The following MALRD1 variants were observed in gnomAD, a reference collection of about 807,000 sequenced individuals.
The protein encoded by MALRD1 is MAM and LDL-receptor class A domain-containing protein 1.
Under a neutral mutation model 242.1 loss-of-function variants are expected in MALRD1, and 247 were observed. The ratio of observed to expected loss-of-function variants is 1.02; its 90% CI spans 0.92 to 1.13. The LOEUF is 1.13. MALRD1 is among the 50% of genes most tolerant of loss of function. MALRD1 has a pLI of 0.00. For synonymous variants in MALRD1, 995 were observed against 866.6 expected (o/e 1.15, Z -2.60); for missense variants, 2,989 against 2,533.1 (o/e 1.18, Z -3.86).
intron 8 of MALRD1, 128 bp downstream of exon 8, chr10:19,128,515 C>T (rs913236116): frequency 1.8e-6 from 1 of 550,650 alleles, no homozygotes; most frequent in African/African-American, 1.9e-5. Flanking sequence ...ACTTGGTATA[C>T]TTTTAAAAAG....
chr10:19,206,753 C>G (rs1167441190), intron 17 of MALRD1, among the ~76,000 whole-genome samples: 1 of 152,164 alleles, frequency 6.6e-6, no homozygotes, highest in African/African-American at 2.4e-5. Flanking sequence ...AAAGGTGGAG[C>G]TAGGCGTATT....
At chr10:19,450,194 T>C in intron 28 of MALRD1, 113 bp from the exon 29 acceptor site, 1 of 929,058 alleles carries the variant, frequency 1.1e-6, no homozygotes, top group South Asian at 1.9e-5. Flanking sequence ...TCTTTGTTTT[T>C]TCAGTTTTTA....
At position 19,323,984 on chromosome 10, in the gene MALRD1, G is replaced by C. The variant is rs1564562605; in HGVS notation, c.3455G>C (p.Ser1152Thr). ...TTDGWYLYADSSNGKFGDTAD... is the reference protein window; with the variant it reads ...TTDGWYLYADTSNGKFGDTAD... ...GATGGCTGGTACCTGTATGCTGACA[G>C]TTCTAATGGGAAATTTGGTGACACG... Residue 1152 changes from serine (S) to threonine (T), a missense_variant, in exon 22 of 40, where the codon AGT (serine) becomes ACT (threonine). Ser to Thr is a moderately conservative substitution (Grantham distance 58). Coordinates refer to ENST00000454679, the MANE Select transcript of MALRD1 (RefSeq NM_001142308.3). 6.4e-7 allele frequency: 1 copy of C among 1,550,780 alleles called. No homozygotes were observed. Among genetic ancestry groups the C allele is most frequent in the Non-Finnish European group, 8.7e-7 (1 of 1,146,924 alleles).
In MALRD1 at chr10:19,048,833, T is replaced by A; in HGVS notation, c.-106T>A. 2 of 884,070 alleles carry A rather than the reference T, an allele frequency of 2.3e-6. No individual in the cohort carries two copies. Among genetic ancestry groups the A allele is most frequent in the Non-Finnish European group, 3.0e-6 (2 of 670,352 alleles). The allele number at this position is 884,070 out of a possible 1,614,324, so 54.8% of individuals were successfully genotyped here. A position where few individuals can be genotyped will look rare whatever the true frequency, so the allele number is the denominator to read the frequency against. On this transcript the variant is annotated 5_prime_UTR_variant, in exon 1 of 40. Transcript: ENST00000454679. The stretch of plus-strand genomic sequence containing the variant: ...CAGATAGTTACCAATAGTATCCAGT[T>A]ATAAGAAGCAAATCTGGGAAAGGAA...
chr10:19,477,653 T>G (rs1419548989), intron 29 of MALRD1, among the ~76,000 whole-genome samples: 2 of 152,076 alleles, frequency 1.3e-5, no homozygotes, highest in Non-Finnish European at 2.9e-5. Flanking sequence ...AGAATAGCGC[T>G]CTTTCTTGCA....
intron 38 of MALRD1, among the ~76,000 whole-genome samples, chr10:19,694,058 C>T (rs1482322950): frequency 6.6e-6 from 1 of 152,060 alleles, no homozygotes; most frequent in Non-Finnish European, 1.5e-5. Context: ...TTCCTTACAC[C>T]TTATACAAAA....
intron 36 of MALRD1, among the ~76,000 whole-genome samples, chr10:19,651,476 A>G (rs563333284): frequency 6.6e-6 from 1 of 152,290 alleles, no homozygotes; most frequent in South Asian, 2.1e-4. Flanking sequence ...ATTTGAAGGG[A>G]AAAAAAGCAT....
chr10:19,484,678 G>A (rs1397726433), intron 29 of MALRD1, among the ~76,000 whole-genome samples: 1 of 152,172 alleles, frequency 6.6e-6, no homozygotes, highest in African/African-American at 2.4e-5. Flanking sequence ...AATAATATAT[G>A]TTGGCACAGA....
chr10:19,085,607 A>T (rs982904053), intron 2 of MALRD1, among the ~76,000 whole-genome samples: 1 of 151,978 alleles, frequency 6.6e-6, no homozygotes, highest in African/African-American at 2.4e-5. Context: ...TTGATAAAAT[A>T]CAGAATAATT....
At chr10:19,207,017 C>G (rs1292157471) in intron 17 of MALRD1, among the ~76,000 whole-genome samples, 1 of 152,064 alleles carries the variant, frequency 6.6e-6, no homozygotes, top group Non-Finnish European at 1.5e-5. Flanking sequence ...CACTTGGTTC[C>G]CTTCATTAGG....
At chr10:19,547,785 CATATATATATATATAT>C (rs1160775136) in intron 32 of MALRD1, among the ~76,000 whole-genome samples, 191 of 16,196 alleles carry the variant, frequency 0.012, 5 homozygotes, top group South Asian at 0.025. Context: ...TTCACAGATA[CATATATATATATATAT>C]ATATATATAT....
At chr10:19,503,486 C>T (rs1296867965) in intron 31 of MALRD1, among the ~76,000 whole-genome samples, 1 of 152,092 alleles carries the variant, frequency 6.6e-6, no homozygotes, top group African/African-American at 2.4e-5. Context: ...GGGAGAGAAA[C>T]AACAAACATC....
intron 1 of MALRD1, among the ~76,000 whole-genome samples, chr10:19,054,752 T>G (rs1834611451): frequency 1.3e-5 from 2 of 152,204 alleles, no homozygotes; most frequent in African/African-American, 4.8e-5. Context: ...TTTTTATGAC[T>G]GATAGTGTTT....
chr10:19,167,998 C>A (rs1208006224), intron 13 of MALRD1, among the ~76,000 whole-genome samples: 1 of 152,158 alleles, frequency 6.6e-6, no homozygotes, highest in Non-Finnish European at 1.5e-5. Flanking sequence ...CAGAATTCCG[C>A]TGTTTTTATT....
intron 36 of MALRD1, among the ~76,000 whole-genome samples, chr10:19,689,242 G>A (rs1842724996): frequency 6.6e-6 from 1 of 152,118 alleles, no homozygotes; most frequent in Admixed American, 6.6e-5. Flanking sequence ...CTGTGTGTGT[G>A]TGTGTGTATC....
chr10:19,682,842 G>A, intron 36 of MALRD1, among the ~76,000 whole-genome samples: 1 of 152,328 alleles, frequency 6.6e-6, no homozygotes, highest in South Asian at 2.1e-4. Flanking sequence ...TGGAAGAGCA[G>A]TACTTTCTCC....
At chr10:19,454,237 C>G (rs1835495928) in intron 29 of MALRD1, among the ~76,000 whole-genome samples, 1 of 151,430 alleles carries the variant, frequency 6.6e-6, no homozygotes, top group African/African-American at 2.4e-5. Flanking sequence ...TCCAAAAGTA[C>G]AAACTAATAG....
chr10:19,398,477 A>AC, intron 28 of MALRD1, among the ~76,000 whole-genome samples: 1 of 152,278 alleles, frequency 6.6e-6, no homozygotes. Flanking sequence ...TACTTTTGAG[A>AC]CAGCCAAAGT....
intron 18 of MALRD1, among the ~76,000 whole-genome samples, chr10:19,210,897 G>T (rs2782322): frequency 6.6e-6 from 1 of 151,946 alleles, no homozygotes; most frequent in African/African-American, 2.4e-5. Flanking sequence ...GTTTGGCTCC[G>T]CCACAGTGTA....
Sources: allele counts gnomAD v4.1 joint callset (sites outside exome capture counted in the v4.1 genomes callset), GRCh38; gene constraint gnomAD v4.1.1; transcripts MANE v1.5; gene names NCBI Gene and HGNC (gene_info 2026-07-23, HGNC 2026-07-21).